Variants in TDRD3 observed in about 807,000 individuals in gnomAD.
TDRD3 encodes tudor domain containing 3, also known as tudor domain-containing protein 3.
Under a neutral mutation model 86.7 loss-of-function variants are expected in TDRD3, and 45 were observed. The observed-to-expected ratio is 0.52, with a 90% confidence interval of 0.41 to 0.67. The LOEUF (loss-of-function observed/expected upper bound fraction) is 0.67, where lower values mean the gene tolerates loss of function less well. Ranked by LOEUF, TDRD3 falls within the 30% of genes least tolerant of loss-of-function variation. The probability of loss-of-function intolerance (pLI) is 0.00; values close to 1 mark genes in which losing one functional copy is unlikely to be tolerated. For missense variants in TDRD3, 814 were observed against 889.0 expected, an observed-to-expected ratio of 0.92 and a Z score of 1.07; for synonymous variants, 298 against 301.7, an observed-to-expected ratio of 0.99 and a Z score of 0.13.
Position 60,528,674 on chromosome 13 carries a change from T to G in TDRD3, c.1449T>G (p.Thr483=). ...PYSRYDRTKD[T]SYPLGSQHSD... is the part of the protein sequence containing the mutation. ...CTAGATATGACAGAACTAAAGATAC[T>G]TCATATCCTTTAGGTTCTCAGCATA... is the stretch of plus-strand genomic sequence containing the variant. Residue 483 remains threonine (T), a synonymous_variant, in exon 11 of 14, where the codon ACT becomes ACG. Coordinates refer to ENST00000377881, the MANE Select transcript of TDRD3 (RefSeq NM_001146070.2). The G allele has an allele frequency of 6.2e-7, 1 of 1,613,788 alleles. No homozygotes were observed. Among genetic ancestry groups the G allele is most frequent in the Non-Finnish European group, 8.5e-7 (1 of 1,179,824 alleles).
intron 12 of TDRD3, among the ~76,000 whole-genome samples, chr13:60,546,952 G>A (rs1383407619): frequency 6.6e-6 from 1 of 151,976 alleles, no homozygotes; most frequent in Non-Finnish European, 1.5e-5. Context: ...AAATTATTGA[G>A]TATGAGTGTG....
chr13:60,456,069 C>CAAAAAAAA (rs35117003), intron 3 of TDRD3, among the ~76,000 whole-genome samples: 1 of 95,566 alleles, frequency 1.0e-5, no homozygotes. Context: ...GACTATGTCT[C>CAAAAAAAA]AAAAAAAAAA....
intron 1 of TDRD3, among the ~76,000 whole-genome samples, chr13:60,406,654 T>G (rs1415732892): frequency 6.6e-6 from 1 of 152,174 alleles, no homozygotes; most frequent in Non-Finnish European, 1.5e-5. Context: ...TAGAATGCAT[T>G]ATAAAGTCAT....
intron 3 of TDRD3, among the ~76,000 whole-genome samples, chr13:60,448,958 G>C (rs1230019693): frequency 6.6e-6 from 1 of 152,098 alleles, no homozygotes; most frequent in East Asian, 1.9e-4. Flanking sequence ...CAGTCTTTGA[G>C]TTCTGTGTTT....
At chr13:60,480,725 G>A (rs1233847112) in intron 5 of TDRD3, among the ~76,000 whole-genome samples, 2 of 152,036 alleles carry the variant, frequency 1.3e-5, no homozygotes, top group Non-Finnish European at 2.9e-5. Context: ...GTTTTCACAG[G>A]GGAATGCCAT....
chr13:60,401,473 C>T (rs985412806), intron 1 of TDRD3, among the ~76,000 whole-genome samples: 1 of 152,138 alleles, frequency 6.6e-6, no homozygotes, highest in South Asian at 2.1e-4. Flanking sequence ...GGACCAATCC[C>T]TTATGGATAC....
chr13:60,397,665 C>T (rs1953964912), intron 1 of TDRD3, among the ~76,000 whole-genome samples: 1 of 147,800 alleles, frequency 6.8e-6, no homozygotes, highest in Admixed American at 6.7e-5. Flanking sequence ...GGGCGGCGGG[C>T]CTGGGGAGAG....
At chr13:60,506,951 A>C (rs1479541294) in intron 8 of TDRD3, among the ~76,000 whole-genome samples, 1 of 152,188 alleles carries the variant, frequency 6.6e-6, no homozygotes, top group African/African-American at 2.4e-5. Flanking sequence ...TGCTGTATTC[A>C]GGAGACCCAT....
intron 1 of TDRD3, among the ~76,000 whole-genome samples, chr13:60,402,775 G>A (rs1276592481): frequency 6.4e-5 from 9 of 140,044 alleles, no homozygotes; most frequent in Admixed American, 2.3e-4. Flanking sequence ...TTGGTTCGTC[G>A]CAACCTCCAC....
chr13:60,520,446 T>C (rs1273190382), intron 10 of TDRD3, among the ~76,000 whole-genome samples: 1 of 152,182 alleles, frequency 6.6e-6, no homozygotes, highest in Non-Finnish European at 1.5e-5. Flanking sequence ...TTCTCTCCTC[T>C]TGGACGACTC....
At chr13:60,484,770 C>A in intron 6 of TDRD3, 3 of 434,208 alleles carry the variant, frequency 6.9e-6, no homozygotes, top group South Asian at 3.4e-5. Context: ...TGGTATTCTC[C>A]CAGTGTAATG....
intron 8 of TDRD3, among the ~76,000 whole-genome samples, chr13:60,506,876 G>A (rs1282233590): frequency 6.6e-6 from 1 of 152,094 alleles, no homozygotes; most frequent in South Asian, 2.1e-4. Flanking sequence ...AATGTAAATG[G>A]GCTAAATGTC....
At chr13:60,420,490 A>G (rs1286872065) in intron 1 of TDRD3, among the ~76,000 whole-genome samples, 1 of 151,936 alleles carries the variant, frequency 6.6e-6, no homozygotes, top group East Asian at 1.9e-4. Flanking sequence ...GCTGTATGAT[A>G]TGGGTTTTAT....
chr13:60,414,790 A>G (rs1414741920), intron 1 of TDRD3, among the ~76,000 whole-genome samples: 1 of 152,140 alleles, frequency 6.6e-6, no homozygotes, highest in Non-Finnish European at 1.5e-5. Context: ...ATTATATCCT[A>G]GGGCAGATAG....
At chr13:60,531,028 G>A (rs1270023922) in intron 11 of TDRD3, among the ~76,000 whole-genome samples, 1 of 152,150 alleles carries the variant, frequency 6.6e-6, no homozygotes, top group Non-Finnish European at 1.5e-5. Context: ...ACAGCTAGAT[G>A]GCATAGGCTT....
At chr13:60,424,010 G>GT (rs1297830278) in intron 1 of TDRD3, among the ~76,000 whole-genome samples, 2 of 151,684 alleles carry the variant, frequency 1.3e-5, no homozygotes, top group African/African-American at 2.4e-5. Context: ...CCATGCAGTG[G>GT]TTTTTTTTGT....
intron 1 of TDRD3, among the ~76,000 whole-genome samples, chr13:60,399,203 C>T (rs913235306): frequency 2.0e-5 from 3 of 152,204 alleles, no homozygotes; most frequent in African/African-American, 7.2e-5. Flanking sequence ...TGGAATGCCC[C>T]TGCCAGTCAG....
intron 11 of TDRD3, among the ~76,000 whole-genome samples, chr13:60,529,992 A>G (rs973435711): frequency 2.6e-5 from 4 of 152,170 alleles, no homozygotes; most frequent in Non-Finnish European, 5.9e-5. Flanking sequence ...ATGCTCTTCT[A>G]TCAGCTACTC....
intron 1 of TDRD3, among the ~76,000 whole-genome samples, chr13:60,398,778 C>G (rs1191397711): frequency 6.6e-6 from 1 of 152,196 alleles, no homozygotes; most frequent in South Asian, 2.1e-4. Context: ...ACAGTTTTTT[C>G]GCAGAACAGC....
Sources: allele counts gnomAD v4.1 joint callset (sites outside exome capture counted in the v4.1 genomes callset), GRCh38; gene constraint gnomAD v4.1.1; transcripts MANE v1.5; gene names NCBI Gene and HGNC (gene_info 2026-07-23, HGNC 2026-07-21).